ACOX3: variants seen among roughly 807,000 people sequenced by gnomAD.
ACOX3 encodes the protein acyl-CoA oxidase 3, pristanoyl.
In ACOX3, 73 loss-of-function variants were observed where a neutral mutation model predicts 81.5. The observed-to-expected ratio is 0.90, with a 90% CI of 0.74 to 1.09. The LOEUF is 1.09. Ranked by LOEUF, ACOX3 falls within the 50% of genes least tolerant of loss-of-function variation. The pLI is 0.00. For missense variants in ACOX3, 947 were observed against 928.0 expected (o/e 1.02, Z -0.27); for synonymous variants, 387 against 375.1 (o/e 1.03, Z -0.37).
At chr4:8,418,458 CA>C (rs765799961) in intron 1 of ACOX3, among the ~76,000 whole-genome samples, 4,038 of 49,714 alleles carry the variant, frequency 0.081, 74 homozygotes, top group African/African-American at 0.18. Flanking sequence ...GACTCCATCT[CA>C]AAAAAAAAAA....
At position 8,437,699 on chromosome 4, in the gene ACOX3, T is replaced by C. The variant is rs905552498; in HGVS notation, c.-15+2949A>G. Among the ~76,000 whole-genome samples, 2 of 152,104 alleles carry C rather than the reference T, an allele frequency of 1.3e-5. No homozygotes were observed. Among genetic ancestry groups the C allele is most frequent in the African/African-American group, 4.8e-5 (2 of 41,416 alleles). ...GGCCAAGGCTAGAGAGACATTAATG[T>C]GTGAGATGAAAAAAGAAAGGACACT... On this transcript the variant is annotated intron_variant, in intron 1 of 17. Transcript: ENST00000356406. The surrounding 1 kb of genome is among the most constrained non-coding windows in gnomAD (Gnocchi z 5.2).
rs566538397 is a variant in ACOX3 at position 8,373,675 on chromosome 4, C to A, written c.1829-47G>T. ...CATGGGGGCTGGGTCCAGTCCAAAA[C>A]CACCCCCAATACCAACATGCCCTGA... On this transcript the variant is annotated intron_variant, in intron 15 of 17. Transcript: ENST00000356406. The A allele has an allele frequency of 1.9e-6, 3 of 1,572,746 alleles. No individual in the cohort carries two copies. The South Asian group carries it at 3.4e-5, about 18-fold the overall frequency.
intron 1 of ACOX3, among the ~76,000 whole-genome samples, chr4:8,417,672 C>G (rs1232982086): frequency 2.6e-5 from 4 of 152,144 alleles, no homozygotes; most frequent in Non-Finnish European, 5.9e-5. Flanking sequence ...TTCCTTCCTT[C>G]TTAAAGCAGA....
rs1717669281 is a variant in ACOX3, at chr4:8,381,675, C to T, written c.1538-68G>A. 2 of 1,255,724 alleles carry T rather than the reference C, an allele frequency of 1.6e-6. No homozygotes were observed. Among genetic ancestry groups the T allele is most frequent in the African/African-American group, 3.0e-5 (2 of 67,676 alleles). The allele number at this position is 1,255,724 out of a possible 1,614,324, so 77.8% of individuals were successfully genotyped here. Reference sequence around the variant, plus strand: ...ACACAGCATTTGTCACAACTCACCCCCAGGGACAAGGCACTGCCAGCATCC... The same window carrying T: ...ACACAGCATTTGTCACAACTCACCCTCAGGGACAAGGCACTGCCAGCATCC... On this transcript the variant is annotated intron_variant, in intron 13 of 17. Transcript: ENST00000356406. The surrounding 1 kb of genome is among the most constrained non-coding windows in gnomAD (Gnocchi z 4.3).
At position 8,379,369 on chromosome 4, in the gene ACOX3, G is replaced by A. The variant is rs529458900; in HGVS notation, c.1653+2123C>T. ...CTTAAAAGCTCCGCGACCCGGGGCA[G>A]GTCTGGAACACGAAGCCCTGCCCTG... On this transcript the variant is annotated intron_variant, in intron 14 of 17. Transcript: ENST00000356406. Among the ~76,000 whole-genome samples the A allele has an allele frequency of 1.9e-3, 292 of 152,322 alleles. 3 individuals are homozygous for A. The highest frequency in any genetic ancestry group is 2.8e-3 in the Non-Finnish European group (189 of 68,022).
Position 8,407,024 on chromosome 4 carries a change from A to C in ACOX3, c.688-981T>G, listed in dbSNP as rs535298963. On this transcript the variant is annotated intron_variant, in intron 6 of 17. Transcript: ENST00000356406. This position sits in a 1 kb window ranked among gnomAD's most constrained non-coding sequence, Gnocchi z 4.6. The stretch of plus-strand genomic sequence containing the variant: ...TAGCAGGTGTTTTTCCTTGACACTT[A>C]TGCTACCGCTAGACCACGGTCTGCT... 6.6e-6 allele frequency among the ~76,000 whole-genome samples: 1 copy of C among 152,112 alleles called. No individual in the cohort carries two copies. Among genetic ancestry groups the C allele is most frequent in the Non-Finnish European group, 1.5e-5 (1 of 68,022 alleles).
At chr4:8,438,606 G>T (rs1724386609) in intron 1 of ACOX3, among the ~76,000 whole-genome samples, 1 of 152,138 alleles carries the variant, frequency 6.6e-6, no homozygotes, top group Non-Finnish European at 1.5e-5. Flanking sequence ...TTTAGAAATA[G>T]CCATACAAAG....
intron 1 of ACOX3, chr4:8,428,469 G>A (rs1367317137): frequency 6.6e-6 from 1 of 152,350 alleles, no homozygotes; most frequent in Non-Finnish European, 1.5e-5. Flanking sequence ...CACGCCTCTC[G>A]GCCTCCGTCC....
chr4:8,383,357 G>T (rs1213150371), intron 13 of ACOX3, among the ~76,000 whole-genome samples: 1 of 152,256 alleles, frequency 6.6e-6, no homozygotes, highest in African/African-American at 2.4e-5. Context: ...TGTGACCTTT[G>T]TTGGGAAGAG....
downstream of ACOX3, among the ~76,000 whole-genome samples, chr4:8,363,905 G>A (rs1389647832): frequency 3.3e-5 from 5 of 152,128 alleles, no homozygotes; most frequent in Non-Finnish European, 2.9e-5. Context: ...AGGGAGGCAC[G>A]AATCCACCCT....
In ACOX3 at chr4:8,389,255, T is replaced by G; in HGVS notation, c.1455A>C (p.Ser485=). 4 of 1,613,690 alleles carry G rather than the reference T, an allele frequency of 2.5e-6. No homozygotes were observed. Among genetic ancestry groups the G allele is most frequent in the Non-Finnish European group, 3.4e-6 (4 of 1,179,910 alleles). Residue 485 remains serine (S), a synonymous_variant, in exon 13 of 18, where the codon TCA becomes TCC. Coordinates refer to ENST00000356406, the MANE Select transcript of ACOX3 (RefSeq NM_003501.3). The surrounding 1 kb of genome is among the most constrained non-coding windows in gnomAD (Gnocchi z 5.3). ...CGGGATAGGCGTCCAGAAAGTCCAC[T>G]GACTTCAGCGGACTGCGGAAGCAAG... ...DGACFRSPLK[S]VDFLDAYPGI... is the part of the protein sequence containing the mutation.
chr4:8,365,599 C>T (rs116541815), downstream of ACOX3, among the ~76,000 whole-genome samples: 411 of 152,298 alleles, frequency 2.7e-3, 1 homozygote, highest in East Asian at 6.4e-3. Context: ...ATGCAGCAAA[C>T]GGCACAGCTC....
At chr4:8,374,785 G>T in intron 15 of ACOX3, 193 bp downstream of exon 15, 1 of 573,740 alleles carries the variant, frequency 1.7e-6, no homozygotes, top group Non-Finnish European at 2.7e-6. Flanking sequence ...GGGTTTCTCG[G>T]CACCACCCTG....
rs1469142301 is a variant in ACOX3, at chr4:8,386,817, G to T, written c.1537+2356C>A. 6.6e-6 allele frequency among the ~76,000 whole-genome samples: 1 copy of T among 152,212 alleles called. No individual in the cohort carries two copies. Among genetic ancestry groups the T allele is most frequent in the Non-Finnish European group, 1.5e-5 (1 of 68,034 alleles). The stretch of plus-strand genomic sequence containing the variant: ...CGGCCCAGGCTCCACACCGGCTTCG[G>T]CCACGGCTGTTGTCCTGTTCTTTGC... On this transcript the variant is annotated intron_variant, in intron 13 of 17. Transcript: ENST00000356406. The surrounding 1 kb of genome is among the most constrained non-coding windows in gnomAD (Gnocchi z 5.2).
chr4:8,377,685 AGGCTCTGG>A, intron 14 of ACOX3, among the ~76,000 whole-genome samples: 1 of 152,324 alleles, frequency 6.6e-6, no homozygotes, highest in East Asian at 1.9e-4. Flanking sequence ...GGGGGGACAC[AGGCTCTGG>A]GGATGGGCTC....
rs73087797 is a variant in ACOX3 at position 8,422,403 on chromosome 4, C to A, written c.-14-5868G>T. 7.2e-5 allele frequency among the ~76,000 whole-genome samples: 11 copies of A among 152,230 alleles called. No homozygotes were observed. The East Asian group carries it at 1.4e-3, about 19-fold the overall frequency. On this transcript the variant is annotated intron_variant, in intron 1 of 17. Transcript: ENST00000356406. ...TTGTTGTCAGTTAAACAGTGTAATGCAAACATTAGGAAAAAAACTTCAAAA... is the reference window on the plus strand; with the variant it reads ...TTGTTGTCAGTTAAACAGTGTAATGAAAACATTAGGAAAAAAACTTCAAAA...
chr4:8,431,086 A>G lies in ACOX3; in HGVS notation c.-15+9562T>C, dbSNP rs1339962492. ...TGAGTGGCTTTTTATTGTTGGTTCT[A>G]TTTAAGTTAGGGCATCATCACAAAA... is the stretch of plus-strand genomic sequence containing the variant. On this transcript the variant is annotated intron_variant, in intron 1 of 17. Transcript: ENST00000356406. This position sits in a 1 kb window ranked among gnomAD's most constrained non-coding sequence, Gnocchi z 5.3. 2.0e-5 allele frequency among the ~76,000 whole-genome samples: 3 copies of G among 152,122 alleles called. No individual in the cohort carries two copies. The highest frequency in any genetic ancestry group is 1.9e-4 in the East Asian group (1 of 5,180).
At position 8,378,254 on chromosome 4, in the gene ACOX3, T is replaced by C. The variant is rs76191968; in HGVS notation, c.1654-3102A>G. ...AGCCTGGGGAAAGGGTTGGACTCTG[T>C]GACAGCTGGCCCGGGTGCAATCCTG... On this transcript the variant is annotated intron_variant, in intron 14 of 17. Coordinates refer to ENST00000356406, the MANE Select transcript of ACOX3 (RefSeq NM_003501.3). 8.5e-3 allele frequency among the ~76,000 whole-genome samples: 1,288 copies of C among 152,320 alleles called. 7 individuals are homozygous for C. The highest frequency in any genetic ancestry group is 0.013 in the Non-Finnish European group (898 of 68,014).
At chr4:8,361,425 C>CAAAAAAAAAAAAAAAAAAA (rs56251372), downstream of ACOX3, among the ~76,000 whole-genome samples, 4 of 39,028 alleles carry the variant, frequency 1.0e-4, no homozygotes, top group African/African-American at 3.7e-4. Context: ...GACTCTATCT[C>CAAAAAAAAAAAAAAAAAAA]AAAAAAAAAA....
Sources: allele counts gnomAD v4.1 joint callset (sites outside exome capture counted in the v4.1 genomes callset), GRCh38; gene constraint gnomAD v4.1.1; non-coding constraint Gnocchi (gnomAD v3.1); transcripts MANE v1.5; gene names NCBI Gene and HGNC (gene_info 2026-07-23, HGNC 2026-07-21).